ABCA8: variants seen among roughly 807,000 people sequenced by gnomAD.
The protein encoded by ABCA8 is ATP binding cassette subfamily A member 8, also known as ABC-type organic anion transporter ABCA8.
A neutral mutation model predicts 192.3 loss-of-function variants in ABCA8; 177 were observed. The observed-to-expected ratio is 0.92, with a 90% CI of 0.81 to 1.04. ABCA8 has a LOEUF of 1.04. Among genes scored for constraint, ABCA8 ranks in the 50% least tolerant of loss-of-function variants. ABCA8 has a pLI of 0.00. For synonymous variants in ABCA8, 642 were observed against 690.2 expected, an observed-to-expected ratio of 0.93 and a Z score of 1.09; for missense variants, 1,915 against 1,904.8, an observed-to-expected ratio of 1.01 and a Z score of -0.10.
chr17:68,909,898 A>G (rs2067189079), intron 17 of ABCA8, among the ~76,000 whole-genome samples: 1 of 152,214 alleles, frequency 6.6e-6, no homozygotes, highest in African/African-American at 2.4e-5. Context: ...ATCATGTAAC[A>G]AAAACAGTAG....
At chr17:68,889,133 G>A (rs2066564834) in intron 24 of ABCA8, among the ~76,000 whole-genome samples, 1 of 152,166 alleles carries the variant, frequency 6.6e-6, no homozygotes, top group Non-Finnish European at 1.5e-5. Flanking sequence ...TGTTCCACAT[G>A]AAAAGGGAAC....
Position 68,875,420 on chromosome 17 carries a change from G to A in ABCA8, c.4491-20C>T, listed in dbSNP as rs770538580. ...ATACATCTGGAGGATGAGGTCATAT[G>A]AGAAAGGAGAAAAAAAAAACCATTC... On this transcript the variant is annotated intron_variant, in intron 36 of 39. Transcript: ENST00000586539. 26 of 1,610,256 alleles carry A rather than the reference G, an allele frequency of 1.6e-5. No homozygotes were observed. Among genetic ancestry groups the A allele is most frequent in the Non-Finnish European group, 2.2e-5 (26 of 1,178,892 alleles).
intron 7 of ABCA8, among the ~76,000 whole-genome samples, chr17:68,930,109 C>T (rs2067820045): frequency 6.6e-6 from 1 of 152,092 alleles, no homozygotes; most frequent in Admixed American, 6.6e-5. Flanking sequence ...TTTCTCTGGA[C>T]ACCAGGAATA....
At chr17:68,872,252 T>TA (rs1285227998) in intron 37 of ABCA8, among the ~76,000 whole-genome samples, 2 of 152,166 alleles carry the variant, frequency 1.3e-5, no homozygotes, top group Admixed American at 1.3e-4. Flanking sequence ...TATGCAGCCA[T>TA]AAAAAATGAT....
At chr17:68,912,813 C>T (rs1177952394) in intron 17 of ABCA8, among the ~76,000 whole-genome samples, 1 of 152,078 alleles carries the variant, frequency 6.6e-6, no homozygotes, top group African/African-American at 2.4e-5. Flanking sequence ...TAGCTGGAGA[C>T]TTCAACACAC....
intron 19 of ABCA8, among the ~76,000 whole-genome samples, chr17:68,905,740 G>T (rs1160178946): frequency 1.3e-5 from 2 of 152,074 alleles, no homozygotes; most frequent in African/African-American, 2.4e-5. Context: ...GTATTGTTTG[G>T]GGTTCTTAAG....
At chr17:68,903,010 T>C (rs2066953598) in intron 20 of ABCA8, 131 bp from the exon 21 acceptor site, 3 of 863,750 alleles carry the variant, frequency 3.5e-6, no homozygotes, top group Non-Finnish European at 5.2e-6. Flanking sequence ...ATTTCTTGAG[T>C]ATTTTGTCCT....
At chr17:68,915,409 G>A (rs931786235) in intron 17 of ABCA8, among the ~76,000 whole-genome samples, 4 of 151,984 alleles carry the variant, frequency 2.6e-5, no homozygotes, top group African/African-American at 9.7e-5. Context: ...ACTATATAAA[G>A]AGCTCAAACA....
intron 7 of ABCA8, among the ~76,000 whole-genome samples, chr17:68,930,720 G>T (rs1039657277): frequency 6.6e-6 from 1 of 152,056 alleles, no homozygotes; most frequent in African/African-American, 2.4e-5. Flanking sequence ...AGGGGTTTTG[G>T]CTCTATAGTC....
chr17:68,893,006 C>A (rs2066652783), intron 23 of ABCA8, among the ~76,000 whole-genome samples: 1 of 151,986 alleles, frequency 6.6e-6, no homozygotes, highest in African/African-American at 2.4e-5. Flanking sequence ...GAGACCCTGC[C>A]TCTAAAAATA....
At position 68,875,353 on chromosome 17, in the gene ABCA8, T is replaced by C; in HGVS notation, c.4538A>G (p.Tyr1513Cys). 6.2e-7 allele frequency: 1 copy of C among 1,614,100 alleles called. No homozygotes were observed. The highest frequency in any genetic ancestry group is 8.5e-7 in the Non-Finnish European group (1 of 1,180,000). The change falls in exon 37 of 40, where the codon TAC (tyrosine) becomes TGC (cysteine). Residue 1513 changes from tyrosine to cysteine, a missense_variant. Tyr to Cys is a radical substitution (Grantham distance 194). Transcript: ENST00000586539. ...GTTCTTCACCTTCATCTCCAGCAGG[T>C]AATCTTTGCCAAATTTGCTTTTCAG... is the stretch of plus-strand genomic sequence containing the variant. ...QHLKSKFGKD[Y>C]LLEMKVKNLA...
rs1454360178 is a variant in ABCA8, at chr17:68,868,318, G to GT, written c.4749dup (p.Gln1584ThrfsTer19). On this transcript the variant is annotated frameshift_variant, in exon 39 of 40. Coordinates refer to ENST00000586539, the MANE Select transcript of ABCA8 (RefSeq NM_001288985.2). LOFTEE classifies it high-confidence loss of function. ...TGACCCACCTGCTCCAGGGTAGACT[G>GT]TGAGAGGCTGTACTCCTCTAGGTCA... The GT allele has an allele frequency of 6.2e-7, 1 of 1,613,724 alleles. No individual in the cohort carries two copies. The highest frequency in any genetic ancestry group is 8.5e-7 in the Non-Finnish European group (1 of 1,179,704).
intron 39 of ABCA8, 25 bp from the exon 40 acceptor site, chr17:68,868,208 A>G: frequency 6.2e-7 from 1 of 1,610,416 alleles, no homozygotes; most frequent in Non-Finnish European, 8.5e-7. Context: ...GGAAATAAAG[A>G]GAGGAGAACA....
At chr17:68,913,451 ATTTGAAAAG>A (rs2067272828) in intron 17 of ABCA8, among the ~76,000 whole-genome samples, 1 of 151,988 alleles carries the variant, frequency 6.6e-6, no homozygotes, top group South Asian at 2.1e-4. Context: ...AAGTTGAAAA[ATTTGAAAAG>A]TTAAACAAAA....
chr17:68,933,766 A>G (rs2067977138), intron 5 of ABCA8, among the ~76,000 whole-genome samples: 1 of 152,186 alleles, frequency 6.6e-6, no homozygotes, highest in Non-Finnish European at 1.5e-5. Context: ...CTTTTGAAGA[A>G]AAGGATTTAT....
rs188242279 is a variant in ABCA8, at chr17:68,882,537, A to G, written c.3828+62T>C. ...CATTTGTAAGGAACAGAGAAACTCA[A>G]AATCATTAGAGAATTAGACTGGTAG... is the stretch of plus-strand genomic sequence containing the variant. On this transcript the variant is annotated intron_variant, in intron 30 of 39. Transcript: ENST00000586539. The G allele has an allele frequency of 1.0e-4, 151 of 1,461,270 alleles. 2 individuals carry two copies. The East Asian group carries it at 3.2e-3, about 31-fold the overall frequency. 90.5% of individuals were successfully genotyped at this position (1,461,270 alleles called of 1,614,324 possible). A position where few individuals can be genotyped will look rare whatever the true frequency, so the allele number is the denominator to read the frequency against.
At position 68,891,615 on chromosome 17, in the gene ABCA8, A is replaced by G; in HGVS notation, c.3037-19T>C. ...GTCCATTCTGAAAAACCCAAAGAAT[A>G]CAATGAACTGAATGAAGAAATTTAA... On this transcript the variant is annotated intron_variant, in intron 23 of 39. Coordinates refer to ENST00000586539, the MANE Select transcript of ABCA8 (RefSeq NM_001288985.2). 1.3e-6 allele frequency: 2 copies of G among 1,538,728 alleles called. No individual in the cohort carries two copies. The highest frequency in any genetic ancestry group is 1.8e-6 in the Non-Finnish European group (2 of 1,120,386).
intron 5 of ABCA8, among the ~76,000 whole-genome samples, chr17:68,935,527 C>A (rs1285441320): frequency 1.1e-5 from 1 of 93,172 alleles, no homozygotes; most frequent in Non-Finnish European, 2.2e-5. Flanking sequence ...TAATTTATGG[C>A]TGAGTAGTAT....
At chr17:68,882,107 T>C in intron 30 of ABCA8, 127 bp from the exon 31 acceptor site, 1 of 759,198 alleles carries the variant, frequency 1.3e-6, no homozygotes, top group Non-Finnish European at 2.2e-6. Flanking sequence ...ACCTTCTATT[T>C]GGTGACATGC....
Sources: gnomAD v4.1 joint callset for allele counts (sites outside exome capture counted in the v4.1 genomes callset) on GRCh38, gnomAD v4.1.1 for gene constraint, MANE v1.5 for transcripts, NCBI Gene and HGNC (gene_info 2026-07-23, HGNC 2026-07-21) for gene names.